The following CALD1 variants were observed in gnomAD, a reference collection of about 807,000 sequenced individuals.
CALD1 encodes the protein caldesmon 1.
In CALD1, 33 loss-of-function variants were observed where a neutral mutation model predicts 99.9. The observed-to-expected ratio is 0.33, with a 90% CI of 0.25 to 0.44. The LOEUF (loss-of-function observed/expected upper bound fraction) is 0.44. Ranked by LOEUF, CALD1 falls within the 20% of genes least tolerant of loss-of-function variation. CALD1 has a pLI of 1.00. For missense variants in CALD1, 861 were observed against 962.1 expected, an observed-to-expected ratio of 0.89 and a Z score of 1.39; for synonymous variants, 310 against 325.0, an observed-to-expected ratio of 0.95 and a Z score of 0.50.
chr7:134,735,677 TCTAGTATTG>T, the CALD1 span, among the ~76,000 whole-genome samples: 1 of 152,148 alleles, frequency 6.6e-6, no homozygotes, highest in East Asian at 1.9e-4. Context: ...CTATGAGGTT[TCTAGTATTG>T]CTCCTGGGAC....
chr7:134,865,014 G>A (rs1219052445), intron 2 of CALD1, among the ~76,000 whole-genome samples: 3 of 152,048 alleles, frequency 2.0e-5, no homozygotes, highest in Non-Finnish European at 4.4e-5. Context: ...GACACCCAGA[G>A]CCTCACGACT....
intron 1 of CALD1, among the ~76,000 whole-genome samples, chr7:134,807,840 C>A (rs997862434): frequency 8.5e-5 from 13 of 152,120 alleles, no homozygotes; most frequent in African/African-American, 3.1e-4. Context: ...GTTGGCCAGG[C>A]TGGTCTTGAA....
intron 1 of CALD1, among the ~76,000 whole-genome samples, chr7:134,757,085 C>G (rs996291262): frequency 3.5e-4 from 51 of 146,702 alleles, no homozygotes; most frequent in Non-Finnish European, 6.3e-4. Flanking sequence ...AATTTTGAGT[C>G]AATTTAGTTT....
At chr7:134,922,836 C>T (rs1050366445) in intron 3 of CALD1, among the ~76,000 whole-genome samples, 2 of 152,216 alleles carry the variant, frequency 1.3e-5, no homozygotes, top group Admixed American at 6.5e-5. Flanking sequence ...CTTAAATACA[C>T]TGAGGCAGCA....
At chr7:134,871,224 G>T (rs566673244) in intron 3 of CALD1, among the ~76,000 whole-genome samples, 19 of 152,120 alleles carry the variant, frequency 1.2e-4, no homozygotes, top group African/African-American at 4.6e-4. Context: ...AAAAATGAAG[G>T]CAATTTTCTG....
chr7:134,721,889 T>C, the CALD1 span, among the ~76,000 whole-genome samples: 1 of 152,158 alleles, frequency 6.6e-6, no homozygotes, highest in African/African-American at 2.4e-5. Context: ...GCTCGTGCTG[T>C]GTAATTTATG....
intron 9 of CALD1, among the ~76,000 whole-genome samples, chr7:134,950,969 A>T (rs527883085): frequency 6.6e-6 from 1 of 152,024 alleles, no homozygotes; most frequent in Non-Finnish European, 1.5e-5. Flanking sequence ...AAAATTTATC[A>T]CTCACAGTTT....
chr7:134,827,101 T>C (rs1799029581), intron 1 of CALD1, among the ~76,000 whole-genome samples: 1 of 152,172 alleles, frequency 6.6e-6, no homozygotes, highest in South Asian at 2.1e-4. Context: ...GCCATTCAAC[T>C]TTTACAACCA....
At chr7:134,756,502 TCTA>T (rs1424189232) in intron 1 of CALD1, among the ~76,000 whole-genome samples, 2 of 151,966 alleles carry the variant, frequency 1.3e-5, no homozygotes, top group Admixed American at 1.3e-4. Flanking sequence ...TAAATAAAAA[TCTA>T]CTCTATATTA....
chr7:134,882,418 T>C (rs1047217886), intron 3 of CALD1, among the ~76,000 whole-genome samples: 7 of 152,230 alleles, frequency 4.6e-5, no homozygotes, highest in Admixed American at 1.3e-4. Flanking sequence ...TTTAGTTGCA[T>C]TGTGGAGGCA....
chr7:134,865,788 C>T (rs1800778148), intron 2 of CALD1, among the ~76,000 whole-genome samples: 1 of 152,156 alleles, frequency 6.6e-6, no homozygotes, highest in African/African-American at 2.4e-5. Flanking sequence ...TCATTAGCAC[C>T]TCTACCAGAG....
intron 3 of CALD1, among the ~76,000 whole-genome samples, chr7:134,927,474 C>A (rs1237922304): frequency 6.8e-6 from 1 of 146,318 alleles, no homozygotes; most frequent in Non-Finnish European, 1.5e-5. Context: ...ATTGCTTGAG[C>A]CTGGGAGGTC....
intron 1 of CALD1, among the ~76,000 whole-genome samples, chr7:134,843,524 C>T (rs939588514): frequency 2.0e-5 from 3 of 152,186 alleles, no homozygotes; most frequent in Non-Finnish European, 4.4e-5. Context: ...AAGTTTTCCA[C>T]TTATAACATT....
At chr7:134,938,544 G>A (rs757361632) in intron 6 of CALD1, among the ~76,000 whole-genome samples, 5 of 152,048 alleles carry the variant, frequency 3.3e-5, no homozygotes, top group East Asian at 1.9e-4. Flanking sequence ...CCTTCAGCAC[G>A]GACGTTCTCC....
intron 2 of CALD1, among the ~76,000 whole-genome samples, chr7:134,849,580 T>G (rs1260222209): frequency 2.0e-5 from 3 of 152,238 alleles, no homozygotes; most frequent in Non-Finnish European, 2.9e-5. Flanking sequence ...TATTTTTTAT[T>G]GTTGTATGGT....
At chr7:134,920,768 C>A (rs956672235) in intron 3 of CALD1, 5 of 921,978 alleles carry the variant, frequency 5.4e-6, no homozygotes, top group Non-Finnish European at 7.6e-6. Flanking sequence ...AGCATTCATT[C>A]TGTCAGATAG....
intron 3 of CALD1, among the ~76,000 whole-genome samples, chr7:134,889,161 A>C (rs1267680270): frequency 6.6e-6 from 1 of 152,238 alleles, no homozygotes; most frequent in Non-Finnish European, 1.5e-5. Flanking sequence ...TATTCTGTAC[A>C]GTTCTATAGG....
the CALD1 span, among the ~76,000 whole-genome samples, chr7:134,734,573 C>T: frequency 1.3e-5 from 2 of 152,110 alleles, no homozygotes; most frequent in East Asian, 3.9e-4. Context: ...TTTCATAATC[C>T]CCACACATTG....
chr7:134,803,849 C>T (rs1798037246), intron 1 of CALD1, among the ~76,000 whole-genome samples: 1 of 152,110 alleles, frequency 6.6e-6, no homozygotes, highest in Non-Finnish European at 1.5e-5. Context: ...GTGCAGGCCA[C>T]CACACCTGGC....
Sources: allele counts gnomAD v4.1 joint callset (sites outside exome capture counted in the v4.1 genomes callset), GRCh38; gene constraint gnomAD v4.1.1; transcripts MANE v1.5; gene names NCBI Gene and HGNC (gene_info 2026-07-23, HGNC 2026-07-21).